Variants in ZNF385D observed in about 807,000 individuals in gnomAD.
ZNF385D encodes zinc finger protein 659.
In ZNF385D, 15 loss-of-function variants were observed where a neutral mutation model predicts 35.8. The observed-to-expected ratio is 0.42, with a 90% confidence interval of 0.28 to 0.64. The LOEUF (loss-of-function observed/expected upper bound fraction) is 0.64. Among genes scored for constraint, ZNF385D ranks in the 30% least tolerant of loss-of-function variants. ZNF385D has a pLI of 0.23. For synonymous variants in ZNF385D, 212 were observed against 186.8 expected (o/e 1.13, Z -1.10); for missense variants, 474 against 494.6 (o/e 0.96, Z 0.39).
intron 3 of ZNF385D, among the ~76,000 whole-genome samples, chr3:21,543,638 C>T (rs760069703): frequency 6.6e-6 from 1 of 152,192 alleles, no homozygotes; most frequent in Non-Finnish European, 1.5e-5. Context: ...GTGGAGGAAA[C>T]AGTTGCATAA....
chr3:22,357,850 A>T (rs1696227239), intron 2 of ZNF385D, among the ~76,000 whole-genome samples: 1 of 151,920 alleles, frequency 6.6e-6, no homozygotes, highest in South Asian at 2.1e-4. Context: ...TAACTTCTGG[A>T]GTAATCTAAC....
intron 3 of ZNF385D, among the ~76,000 whole-genome samples, chr3:22,143,335 C>A (rs924044413): frequency 6.6e-6 from 1 of 152,202 alleles, no homozygotes; most frequent in East Asian, 1.9e-4. Context: ...CTGCCCGCCT[C>A]GGCCTCCCAA....
At chr3:21,489,075 G>A (rs1209701130) in intron 4 of ZNF385D, among the ~76,000 whole-genome samples, 1 of 152,068 alleles carries the variant, frequency 6.6e-6, no homozygotes, top group Non-Finnish European at 1.5e-5. Context: ...GCTTTTAATG[G>A]ACTGAAACCT....
intron 3 of ZNF385D, among the ~76,000 whole-genome samples, chr3:21,557,924 T>C (rs910661761): frequency 1.3e-5 from 2 of 152,190 alleles, no homozygotes; most frequent in Non-Finnish European, 2.9e-5. Context: ...TTCTAGATTT[T>C]CTAGTTTATT....
Position 21,751,056 on chromosome 3 carries a change from C to A in ZNF385D, c.-140G>T. The A allele has an allele frequency of 6.5e-7, 1 of 1,538,608 alleles. No homozygotes were observed. The highest frequency in any genetic ancestry group is 8.8e-7 in the Non-Finnish European group (1 of 1,142,462). ...AGAGCAGTGAGCGCCGAGAGCGTGCCTCCTCCGCGGGATGAGCGCCTTGCA... is the reference window on the plus strand; with the variant it reads ...AGAGCAGTGAGCGCCGAGAGCGTGCATCCTCCGCGGGATGAGCGCCTTGCA... On this transcript the variant is annotated 5_prime_UTR_variant, in exon 1 of 8. The change creates a new upstream start codon in the 5' untranslated region. Coordinates refer to ENST00000281523, the MANE Select transcript of ZNF385D (RefSeq NM_024697.3).
chr3:21,931,991 C>T (rs1701031140), intron 3 of ZNF385D, among the ~76,000 whole-genome samples: 1 of 151,628 alleles, frequency 6.6e-6, no homozygotes, highest in Non-Finnish European at 1.5e-5. Context: ...CACGGTGAAA[C>T]CCCGTCTCTA....
intron 2 of ZNF385D, among the ~76,000 whole-genome samples, chr3:22,222,776 C>A (rs899819434): frequency 5.3e-5 from 8 of 152,112 alleles, no homozygotes; most frequent in African/African-American, 1.9e-4. Context: ...ATTATTAGAT[C>A]ACTTAGAATA....
At chr3:22,076,929 CTCA>C (rs1345591267) in intron 3 of ZNF385D, among the ~76,000 whole-genome samples, 1 of 151,806 alleles carries the variant, frequency 6.6e-6, no homozygotes, top group African/African-American at 2.4e-5. Flanking sequence ...GAAAAAAACA[CTCA>C]TCTACCTCTG....
intron 3 of ZNF385D, among the ~76,000 whole-genome samples, chr3:21,815,510 C>T (rs533314191): frequency 6.6e-6 from 1 of 152,260 alleles, no homozygotes; most frequent in African/African-American, 2.4e-5. Flanking sequence ...CACCACTGAT[C>T]CCACAGAAAT....
At chr3:21,753,741 A>G (rs1294785843), upstream of ZNF385D, among the ~76,000 whole-genome samples, 1 of 144,510 alleles carries the variant, frequency 6.9e-6, no homozygotes, top group Non-Finnish European at 1.5e-5. Context: ...ATTTGTATAC[A>G]TTTATTAAAA....
At chr3:21,875,451 T>A (rs186455254) in intron 3 of ZNF385D, among the ~76,000 whole-genome samples, 1 of 152,088 alleles carries the variant, frequency 6.6e-6, no homozygotes, top group Non-Finnish European at 1.5e-5. Flanking sequence ...TTAATCTACA[T>A]TGCTGCTTCA....
intron 3 of ZNF385D, among the ~76,000 whole-genome samples, chr3:21,992,797 A>G (rs1006753648): frequency 6.6e-6 from 1 of 152,118 alleles, no homozygotes; most frequent in Non-Finnish European, 1.5e-5. Context: ...TTAAATATTT[A>G]TGTTGTTTCT....
intron 3 of ZNF385D, among the ~76,000 whole-genome samples, chr3:21,919,070 T>C (rs1226805892): frequency 6.6e-6 from 1 of 152,228 alleles, no homozygotes; most frequent in African/African-American, 2.4e-5. Flanking sequence ...TCTTCTCTAA[T>C]AACATTTGTT....
intron 2 of ZNF385D, among the ~76,000 whole-genome samples, chr3:22,260,529 A>T (rs532213508): frequency 6.6e-5 from 10 of 152,088 alleles, no homozygotes; most frequent in Admixed American, 6.6e-4. Flanking sequence ...AGAAAACTAC[A>T]TTAGAATTGA....
At chr3:22,036,570 G>GA (rs954058804) in intron 3 of ZNF385D, among the ~76,000 whole-genome samples, 1 of 151,568 alleles carries the variant, frequency 6.6e-6, no homozygotes, top group Admixed American at 6.6e-5. Context: ...TTTTTTTTAG[G>GA]AAAAAAACAA....
rs139577199 is a variant in ZNF385D, at chr3:21,882,876, T to C, written c.326-217848A>G. 2.0e-4 allele frequency among the ~76,000 whole-genome samples: 30 copies of C among 152,090 alleles called. No individual in the cohort carries two copies. In the East Asian group the frequency reaches 5.4e-3, roughly 27 times the overall value. On this transcript the variant is annotated intron_variant, in intron 3 of 5. Transcript: ENST00000494108. The stretch of plus-strand genomic sequence containing the variant: ...CAGTTTCTCCACTTTTCCTCAGAAA[T>C]TGTACTTACATTCTTTAGATGAAGG...
rs111235333 is a variant in ZNF385D at position 22,108,510 on chromosome 3, T to G, written c.325+60307A>C. 3.0e-4 allele frequency among the ~76,000 whole-genome samples: 45 copies of G among 152,290 alleles called. 1 individual carries two copies. Among genetic ancestry groups the G allele is most frequent in the African/African-American group, 1.0e-3 (43 of 41,580 alleles). On this transcript the variant is annotated intron_variant, in intron 3 of 5. Transcript: ENST00000494108. ...CACATTATTAATCTTGGCCATTTCA[T>G]GAAATGACTGGCAAATGAGTGCAAT...
chr3:22,346,038 T>G (rs1411485606), intron 2 of ZNF385D, among the ~76,000 whole-genome samples: 1 of 152,150 alleles, frequency 6.6e-6, no homozygotes, highest in Non-Finnish European at 1.5e-5. Flanking sequence ...CATACTCATC[T>G]CCTCATGGGG....
intron 2 of ZNF385D, among the ~76,000 whole-genome samples, chr3:21,640,323 G>A (rs565874664): frequency 4.6e-5 from 7 of 152,074 alleles, no homozygotes; most frequent in South Asian, 2.1e-4. Flanking sequence ...AATACATCCC[G>A]TTCCACACAA....
Sources: allele counts gnomAD v4.1 joint callset (sites outside exome capture counted in the v4.1 genomes callset), GRCh38; gene constraint gnomAD v4.1.1; transcripts MANE v1.5; gene names NCBI Gene and HGNC (gene_info 2026-07-23, HGNC 2026-07-21).